The following ZCWPW2 variants were observed in gnomAD, a reference collection of about 807,000 sequenced individuals.
ZCWPW2 encodes zinc finger CW-type PWWP domain protein 2.
In ZCWPW2, 45 loss-of-function variants were observed where a neutral mutation model predicts 46.6. That is an observed-to-expected ratio of 0.96 (90% CI 0.76 to 1.24). The LOEUF is 1.24. Ranked by LOEUF, ZCWPW2 falls within the 50% of genes most tolerant of loss-of-function variation. ZCWPW2 has a pLI of 0.00. For synonymous variants in ZCWPW2, 152 were observed against 137.1 expected (o/e 1.11, Z -0.76); for missense variants, 429 against 403.9 (o/e 1.06, Z -0.53).
intron 5 of ZCWPW2, among the ~76,000 whole-genome samples, chr3:28,488,165 G>A (rs768552352): frequency 9.2e-5 from 14 of 152,052 alleles, no homozygotes; most frequent in Non-Finnish European, 1.5e-4. Flanking sequence ...TGGAGTTTTT[G>A]TCTCAGGCTT....
intron 1 of ZCWPW2, among the ~76,000 whole-genome samples, chr3:28,378,758 T>C (rs1365039313): frequency 6.6e-6 from 1 of 152,134 alleles, no homozygotes; most frequent in East Asian, 1.9e-4. Context: ...GCCTTATAAA[T>C]ATTCAGTGCT....
intron 2 of ZCWPW2, among the ~76,000 whole-genome samples, chr3:28,391,276 A>G (rs975847186): frequency 6.6e-6 from 1 of 150,602 alleles, no homozygotes; most frequent in Non-Finnish European, 1.5e-5. Context: ...ATAGAAGAGG[A>G]TATAGCAGGC....
intron 1 of ZCWPW2, among the ~76,000 whole-genome samples, chr3:28,352,863 A>C (rs1704608845): frequency 6.6e-6 from 1 of 152,206 alleles, no homozygotes; most frequent in South Asian, 2.1e-4. Flanking sequence ...CATTTTTTTT[A>C]TGACATGCAT....
chr3:28,409,646 G>A (rs980784408), intron 2 of ZCWPW2, among the ~76,000 whole-genome samples: 12 of 152,082 alleles, frequency 7.9e-5, no homozygotes, highest in Non-Finnish European at 1.8e-4. Context: ...TTCTGAAGAA[G>A]GTAGAGATAT....
intron 5 of ZCWPW2, among the ~76,000 whole-genome samples, chr3:28,485,810 A>G (rs1466551970): frequency 6.6e-6 from 1 of 152,098 alleles, no homozygotes; most frequent in Admixed American, 6.6e-5. Context: ...ATGGATTAAT[A>G]GTTGTCATAT....
chr3:28,425,959 A>G (rs1007486178), intron 3 of ZCWPW2, among the ~76,000 whole-genome samples: 26 of 152,158 alleles, frequency 1.7e-4, no homozygotes, highest in Admixed American at 5.9e-4. Context: ...AAATTTCAAA[A>G]TTAGCTGGGC....
intron 4 of ZCWPW2, 104 bp downstream of exon 4, chr3:28,435,373 T>C: frequency 1.9e-5 from 20 of 1,061,188 alleles, no homozygotes; most frequent in Non-Finnish European, 2.6e-5. Context: ...TTTAGATTGA[T>C]ATAATGTATG....
chr3:28,396,416 C>G (rs1170027836), intron 2 of ZCWPW2, among the ~76,000 whole-genome samples: 2 of 152,222 alleles, frequency 1.3e-5, no homozygotes, highest in East Asian at 3.9e-4. Context: ...CCTGTTAATA[C>G]TTTAAAAATG....
At chr3:28,405,947 A>G (rs1177590514) in intron 2 of ZCWPW2, among the ~76,000 whole-genome samples, 1 of 152,228 alleles carries the variant, frequency 6.6e-6, no homozygotes, top group Non-Finnish European at 1.5e-5. Context: ...AAATAGGAAC[A>G]TATCATAAAG....
intron 1 of ZCWPW2, among the ~76,000 whole-genome samples, chr3:28,357,122 TTC>T (rs1704767073): frequency 6.6e-6 from 1 of 152,122 alleles, no homozygotes; most frequent in Non-Finnish European, 1.5e-5. Context: ...AGAAGAATAA[TTC>T]TGTTTTGAGG....
In ZCWPW2 at chr3:28,492,152, T is replaced by G; in HGVS notation, c.636T>G (p.Val212=). The G allele has an allele frequency of 6.2e-7, 1 of 1,609,320 alleles. No homozygotes were observed. The highest frequency in any genetic ancestry group is 8.5e-7 in the Non-Finnish European group (1 of 1,177,960). The change falls in exon 6 of 10, where the codon GTT becomes GTG. Residue 212 remains valine, a synonymous_variant. Coordinates refer to ENST00000383768, the MANE Select transcript of ZCWPW2 (RefSeq NM_001040432.4). ...ATAAATCCGAAACACATGACAAAGT[T>G]GCTGCACTGGTCAAGAAAAGGGTAA... ...LQDKSETHDK[V]AALVKKRKQT...
intron 1 of ZCWPW2, among the ~76,000 whole-genome samples, chr3:28,378,642 G>T (rs565272085): frequency 7.9e-5 from 12 of 152,206 alleles, no homozygotes; most frequent in African/African-American, 2.4e-4. Flanking sequence ...ACCTAGGGAT[G>T]ATGTTCAACT....
At chr3:28,421,731 TG>T in intron 3 of ZCWPW2, among the ~76,000 whole-genome samples, 1 of 151,298 alleles carries the variant, frequency 6.6e-6, no homozygotes. Context: ...AATCTTTTTA[TG>T]TTTTTTTTTT....
intron 2 of ZCWPW2, among the ~76,000 whole-genome samples, chr3:28,409,609 G>T (rs571632135): frequency 6.6e-6 from 1 of 152,084 alleles, no homozygotes; most frequent in African/African-American, 2.4e-5. Context: ...AAGGCACAAA[G>T]GTCATCTGGA....
intron 3 of ZCWPW2, among the ~76,000 whole-genome samples, chr3:28,433,770 CAAAA>C (rs1697368222): frequency 1.1e-5 from 1 of 94,790 alleles, no homozygotes; most frequent in African/African-American, 3.4e-5. Context: ...AAAAAAAAAA[CAAAA>C]AACAAAAAAC....
Position 28,437,686 on chromosome 3 carries a change from G to T in ZCWPW2, c.492+2417G>T, listed in dbSNP as rs144857661. Among the ~76,000 whole-genome samples the T allele has an allele frequency of 2.6e-5, 4 of 152,270 alleles. No homozygotes were observed. In the East Asian group the frequency reaches 7.7e-4, roughly 29 times the overall value. ...CATTGATACACTGAGATACACTCCA[G>T]AAAATAGTTGAAGGCAATATTTTTA... On this transcript the variant is annotated intron_variant, in intron 4 of 9. Transcript: ENST00000383768.
chr3:28,520,603 T>C (rs1333453917), intron 8 of ZCWPW2, among the ~76,000 whole-genome samples: 1 of 152,222 alleles, frequency 6.6e-6, no homozygotes, highest in Non-Finnish European at 1.5e-5. Flanking sequence ...ACAGACCATC[T>C]GGCTCCCAAA....
chr3:28,427,328 C>A (rs1459590204), intron 3 of ZCWPW2, among the ~76,000 whole-genome samples: 2 of 152,208 alleles, frequency 1.3e-5, no homozygotes, highest in Admixed American at 6.5e-5. Flanking sequence ...TCTTCAAACA[C>A]CTCAAGTCTG....
Position 28,515,573 on chromosome 3 carries a change from T to C in ZCWPW2, c.736T>C (p.Ser246Pro), listed in dbSNP as rs1700539871. 4 of 1,609,494 alleles carry C rather than the reference T, an allele frequency of 2.5e-6. No homozygotes were observed. The highest frequency in any genetic ancestry group is 1.7e-5 in the Admixed American group (1 of 59,698). ...TTCTAGGAAAGCAATTTTAAAATGC[T>C]CTTTTGAAAATGTTTATTCTGATGA... The part of the protein sequence containing the change: ...KRKRKAILKC[S>P]FENVYSDDAL... The change falls in exon 8 of 10, where the codon TCT becomes CCT. Residue 246 changes from serine to proline, a missense_variant. Transcript: ENST00000383768.
Sources: gnomAD v4.1 joint callset for allele counts (sites outside exome capture counted in the v4.1 genomes callset) on GRCh38, gnomAD v4.1.1 for gene constraint, MANE v1.5 for transcripts, NCBI Gene and HGNC (gene_info 2026-07-23, HGNC 2026-07-21) for gene names.